ALPK2: variants seen among roughly 807,000 people sequenced by gnomAD.
The protein encoded by ALPK2 is alpha-protein kinase 2.
In ALPK2, 127 loss-of-function variants were observed where a neutral mutation model predicts 163.1. That is an observed-to-expected ratio of 0.78 (90% CI 0.67 to 0.90). The LOEUF (loss-of-function observed/expected upper bound fraction) is 0.90. Ranked by LOEUF, ALPK2 falls within the 40% of genes least tolerant of loss-of-function variation. ALPK2 has a pLI of 0.00. For synonymous variants in ALPK2, 953 were observed against 959.1 expected (o/e 0.99, Z 0.12); for missense variants, 2,360 against 2,589.6 (o/e 0.91, Z 1.92).
At chr18:58,543,181 A>T (rs1602209999) in intron 4 of ALPK2, among the ~76,000 whole-genome samples, 2 of 151,660 alleles carry the variant, frequency 1.3e-5, no homozygotes, top group African/African-American at 4.8e-5. Flanking sequence ...CTGCCTTGGG[A>T]CTCTGCAGAG....
intron 6 of ALPK2, 126 bp from the exon 7 acceptor site, chr18:58,524,188 A>T: frequency 1.5e-6 from 2 of 1,313,486 alleles, no homozygotes; most frequent in Non-Finnish European, 2.1e-6. Context: ...GAGCTGCCCA[A>T]AGGGCAAAAT....
intron 4 of ALPK2, among the ~76,000 whole-genome samples, chr18:58,544,018 T>C (rs913202361): frequency 1.3e-5 from 2 of 152,206 alleles, no homozygotes; most frequent in Non-Finnish European, 2.9e-5. Flanking sequence ...TGGCCATCTC[T>C]CAATTTCTCT....
chr18:58,562,524 C>G (rs2051830479), intron 4 of ALPK2, among the ~76,000 whole-genome samples: 1 of 152,234 alleles, frequency 6.6e-6, no homozygotes, highest in Non-Finnish European at 1.5e-5. Context: ...AGTGAATAGG[C>G]TAACCTCTGG....
At chr18:58,533,549 T>G (rs2051627201) in intron 5 of ALPK2, among the ~76,000 whole-genome samples, 1 of 151,944 alleles carries the variant, frequency 6.6e-6, no homozygotes, top group African/African-American at 2.4e-5. Flanking sequence ...AGCCTCGACT[T>G]TCTGGGGTCA....
chr18:58,566,371 G>A (rs768333127), intron 4 of ALPK2: 6 of 152,000 alleles, frequency 3.9e-5, no homozygotes, highest in South Asian at 2.1e-4. Context: ...ACTTATGTAC[G>A]GCAACTCCCA....
chr18:58,557,964 T>G (rs894351505), intron 4 of ALPK2, among the ~76,000 whole-genome samples: 1 of 152,100 alleles, frequency 6.6e-6, no homozygotes, highest in Non-Finnish European at 1.5e-5. Flanking sequence ...TATATAAAAA[T>G]AATCACAATG....
chr18:58,583,417 G>A (rs150798486), intron 3 of ALPK2, among the ~76,000 whole-genome samples: 63 of 152,192 alleles, frequency 4.1e-4, no homozygotes, highest in African/African-American at 1.5e-3. Context: ...GGGGGCAGTG[G>A]TGCAGCTTAG....
chr18:58,588,994 A>T (rs2052001662), intron 3 of ALPK2, among the ~76,000 whole-genome samples: 1 of 152,178 alleles, frequency 6.6e-6, no homozygotes, highest in South Asian at 2.1e-4. Context: ...TTAGGATAAC[A>T]GTTTTGACCC....
At chr18:58,596,212 A>G (rs1293288325) in intron 3 of ALPK2, among the ~76,000 whole-genome samples, 1 of 152,194 alleles carries the variant, frequency 6.6e-6, no homozygotes, top group Non-Finnish European at 1.5e-5. Context: ...GTAGTCAGGG[A>G]AGAAGCCCGT....
intron 12 of ALPK2, among the ~76,000 whole-genome samples, chr18:58,495,688 TA>T (rs11304485): frequency 0.012 from 1,897 of 152,348 alleles, 35 homozygotes; most frequent in African/African-American, 0.042. Context: ...AGAGTTGTTC[TA>T]AATAACAGCA....
At chr18:58,543,222 A>T (rs533064370) in intron 4 of ALPK2, 1 of 391,584 alleles carries the variant, frequency 2.6e-6, no homozygotes, top group South Asian at 1.1e-4. Context: ...CCTGCACAAG[A>T]TGCAGGCCCT....
intron 12 of ALPK2, 62 bp downstream of exon 12, chr18:58,497,986 CT>C: frequency 6.7e-7 from 1 of 1,493,624 alleles, no homozygotes. Flanking sequence ...CTGACAGTGT[CT>C]GCCTGGAAGG....
intron 1 of ALPK2, among the ~76,000 whole-genome samples, chr18:58,618,317 G>A (rs2052180742): frequency 6.6e-6 from 1 of 152,216 alleles, no homozygotes; most frequent in South Asian, 2.1e-4. Flanking sequence ...AAAGTGCTGA[G>A]ATTACAGGCA....
intron 12 of ALPK2, among the ~76,000 whole-genome samples, chr18:58,488,864 A>G (rs529026420): frequency 3.2e-4 from 48 of 152,084 alleles, no homozygotes; most frequent in African/African-American, 1.2e-3. Flanking sequence ...AAAGGGAGGG[A>G]CATGGGGAGC....
rs749194982 is a variant in ALPK2 at position 58,579,318 on chromosome 18, G to T, written c.1458C>A (p.Asn486Lys). 6.2e-7 allele frequency: 1 copy of T among 1,614,152 alleles called. No individual in the cohort carries two copies. The highest frequency in any genetic ancestry group is 8.5e-7 in the Non-Finnish European group (1 of 1,180,034). The change falls in exon 4 of 13, where the codon AAC becomes AAA. Residue 486 changes from asparagine to lysine, a missense_variant. Physicochemically the swap from Asn to Lys is moderately conservative, Grantham distance 94. Transcript: ENST00000361673. ...CTGTCTCTCTTACTGATTCATCCAT[G>T]TTGAGCAGATTGTCACTGGCAAATT... is the stretch of plus-strand genomic sequence containing the variant. ...REEFASDNLL[N>K]MDESVRETEM... is the part of the protein sequence containing the mutation.
chr18:58,579,837 C>A lies in ALPK2; in HGVS notation c.939G>T (p.Glu313Asp), dbSNP rs1412899048. 6 of 1,614,198 alleles carry A rather than the reference C, an allele frequency of 3.7e-6. No individual in the cohort carries two copies. The highest frequency in any genetic ancestry group is 4.2e-6 in the Non-Finnish European group (5 of 1,180,044). The change falls in exon 4 of 13, where the codon GAG becomes GAT. Residue 313 changes from glutamate (E) to aspartate (D), a missense_variant. Physicochemically the swap from Glu to Asp is conservative, Grantham distance 45 (BLOSUM62 2). Transcript: ENST00000361673. ...DSDSDYELCP[E>D]ITLTYTEEFS... ...ACTCCTCGGTGTAGGTTAGGGTTAT[C>A]TCTGGGCAAAGTTCATAGTCACTGT... is the stretch of plus-strand genomic sequence containing the variant.
intron 3 of ALPK2, among the ~76,000 whole-genome samples, chr18:58,607,097 T>G (rs113718205): frequency 3.3e-5 from 5 of 152,322 alleles, no homozygotes; most frequent in Middle Eastern, 3.4e-3. Flanking sequence ...CTAGATAAAG[T>G]TTAACTCCAT....
In ALPK2 at chr18:58,580,160, T is replaced by C; in HGVS notation, c.616A>G (p.Ser206Gly). The C allele has an allele frequency of 6.2e-7, 1 of 1,614,226 alleles. No individual in the cohort carries two copies. Among genetic ancestry groups the C allele is most frequent in the Non-Finnish European group, 8.5e-7 (1 of 1,180,040 alleles). Reference sequence around the variant, plus strand: ...CCATTTGCAATTTCTTCTGTGTTACTTGGATCATAAGCCTCTCCAGTGTGC... The same window carrying C: ...CCATTTGCAATTTCTTCTGTGTTACCTGGATCATAAGCCTCTCCAGTGTGC... ...TRHTGEAYDP[S>G]NTEEIANGLL... Residue 206 changes from serine to glycine, a missense_variant, in exon 4 of 13, where the codon AGT (serine) becomes GGT (glycine). By Grantham distance (56) the Ser-to-Gly change is moderately conservative (BLOSUM62 0). Coordinates refer to ENST00000361673, the MANE Select transcript of ALPK2 (RefSeq NM_052947.4).
intron 1 of ALPK2, among the ~76,000 whole-genome samples, chr18:58,622,834 C>G (rs1463980018): frequency 1.3e-5 from 2 of 152,192 alleles, no homozygotes; most frequent in Non-Finnish European, 2.9e-5. Flanking sequence ...GTAATGAAAA[C>G]TCCAAAGCCG....
Sources: gnomAD v4.1 joint callset for allele counts (sites outside exome capture counted in the v4.1 genomes callset) on GRCh38, gnomAD v4.1.1 for gene constraint, MANE v1.5 for transcripts, NCBI Gene and HGNC (gene_info 2026-07-23, HGNC 2026-07-21) for gene names.